The following LMBRD2 variants were observed in gnomAD, a reference collection of about 807,000 sequenced individuals.
LMBRD2 encodes LMBR1 domain containing 2.
In LMBRD2, 55 loss-of-function variants were observed where a neutral mutation model predicts 94.4. The ratio of observed to expected loss-of-function variants is 0.58; its 90% confidence interval spans 0.47 to 0.73. The LOEUF is 0.73. Among genes scored for constraint, LMBRD2 ranks in the 30% least tolerant of loss-of-function variants. The probability of loss-of-function intolerance (pLI) is 0.00; values close to 1 mark genes in which losing one functional copy is unlikely to be tolerated. For missense variants in LMBRD2, 640 were observed against 831.9 expected (o/e 0.77, Z 2.84); for synonymous variants, 246 against 272.4 (o/e 0.90, Z 0.95).
intron 1 of LMBRD2, among the ~76,000 whole-genome samples, chr5:36,150,198 T>C (rs1236016775): frequency 2.0e-5 from 3 of 152,200 alleles, no homozygotes; most frequent in African/African-American, 7.2e-5. Context: ...ACTGACAGGC[T>C]CTCCCTGAAG....
rs1744294140 is a variant in LMBRD2, at chr5:36,137,281, A to G, written c.529T>C (p.Leu177=). ...IYVAVNPHLH[L]EWNQLQTIGI... is the part of the protein sequence containing the mutation. ...GAAGACTACTTTTCTTACCATTCTA[A>G]ATGTAAATGTGGGTTTACAGCTACA... Residue 177 remains leucine, a synonymous_variant, in exon 5 of 18, where the codon TTA becomes CTA. Transcript: ENST00000296603. 6.3e-7 allele frequency: 1 copy of G among 1,576,834 alleles called. No individual in the cohort carries two copies. The highest frequency in any genetic ancestry group is 2.2e-5 in the East Asian group (1 of 44,450).
At chr5:36,110,203 C>T (rs565090238) in intron 14 of LMBRD2, among the ~76,000 whole-genome samples, 22 of 152,050 alleles carry the variant, frequency 1.4e-4, no homozygotes, top group East Asian at 5.8e-4. Flanking sequence ...CTGTAGTCTC[C>T]GCTTAAATAA....
At chr5:36,115,163 G>A (rs746496665) in intron 11 of LMBRD2, 43 bp from the exon 12 acceptor site, 1 of 1,199,554 alleles carries the variant, frequency 8.3e-7, no homozygotes, top group African/African-American at 1.5e-5. Flanking sequence ...AAGTAAAGCA[G>A]CAAAATACAT....
At chr5:36,120,086 G>T (rs1743853369) in intron 9 of LMBRD2, among the ~76,000 whole-genome samples, 1 of 142,728 alleles carries the variant, frequency 7.0e-6, no homozygotes, top group Non-Finnish European at 1.5e-5. Flanking sequence ...TTTTGACGGA[G>T]TCTCATTCTG....
At chr5:36,106,508 C>CTTTTTTTTTTTTTTTTTTTTTTTTT (rs201602814) in intron 16 of LMBRD2, among the ~76,000 whole-genome samples, 2 of 132,868 alleles carry the variant, frequency 1.5e-5, no homozygotes. Context: ...TTTTTTCTTT[C>CTTTTTTTTTTTTTTTTTTTTTTTTT]GTTTTTTTTT....
At chr5:36,132,237 A>G (rs1374730150) in intron 6 of LMBRD2, among the ~76,000 whole-genome samples, 2 of 152,040 alleles carry the variant, frequency 1.3e-5, no homozygotes, top group African/African-American at 4.8e-5. Context: ...TGGTGCCAGG[A>G]AAACTGGAAA....
chr5:36,143,388 G>A lies in LMBRD2; in HGVS notation c.-39C>T. 6.6e-7 allele frequency: 1 copy of A among 1,518,910 alleles called. No homozygotes were observed. The highest frequency in any genetic ancestry group is 9.1e-7 in the Non-Finnish European group (1 of 1,099,454). The allele number at this position is 1,518,910 out of a possible 1,614,324, so 94.1% of individuals were successfully genotyped here. ...ACTCTGACTAACCAAAGTTATTCAT[G>A]TACAGGTCTGGACCATATCTATAAA... On this transcript the variant is annotated 5_prime_UTR_variant, in exon 2 of 18. Coordinates refer to ENST00000296603, the MANE Select transcript of LMBRD2 (RefSeq NM_001007527.2).
At chr5:36,142,967 C>T (rs1043146246) in intron 2 of LMBRD2, among the ~76,000 whole-genome samples, 1 of 151,984 alleles carries the variant, frequency 6.6e-6, no homozygotes, top group Admixed American at 6.6e-5. Flanking sequence ...CCTTGTGATC[C>T]GCCAGTCTGG....
rs183303343 is a variant in LMBRD2, at chr5:36,135,317, T to C, written c.747+992A>G. On this transcript the variant is annotated intron_variant, in intron 6 of 17. Coordinates refer to ENST00000296603, the MANE Select transcript of LMBRD2 (RefSeq NM_001007527.2). ...TCATGAGAATTAAATATATGTATAGTGCTTAGAAAGTCCCTCTTAGGCAAA... is the reference window on the plus strand; with the variant it reads ...TCATGAGAATTAAATATATGTATAGCGCTTAGAAAGTCCCTCTTAGGCAAA... Among the ~76,000 whole-genome samples, 6 of 152,308 alleles carry C rather than the reference T, an allele frequency of 3.9e-5. No homozygotes were observed. The East Asian group carries it at 1.2e-3, about 29-fold the overall frequency.
In LMBRD2 at chr5:36,101,940, ATTTCT is replaced by A. The variant is rs1435357642; in HGVS notation, c.*2101_*2105del. On this transcript the variant is annotated 3_prime_UTR_variant, in exon 18 of 18. Coordinates refer to ENST00000296603, the MANE Select transcript of LMBRD2 (RefSeq NM_001007527.2). ...AGTTAGTTATAAAAGTAATTGGCTAATTTCTTTTCCTTTTCTGCTTCTGTTTCAAC... is the reference window on the plus strand; with the variant it reads ...AGTTAGTTATAAAAGTAATTGGCTAATTTCCTTTTCTGCTTCTGTTTCAAC... The A allele has an allele frequency of 6.6e-6, 1 of 151,876 alleles. No individual in the cohort carries two copies. The highest frequency in any genetic ancestry group is 1.9e-4 in the East Asian group (1 of 5,190). 9.4% of individuals were successfully genotyped at this position (151,876 alleles called of 1,614,324 possible). A position where few individuals can be genotyped will look rare whatever the true frequency, so the allele number is the denominator to read the frequency against.
At chr5:36,108,811 T>C (rs1302771639) in intron 15 of LMBRD2, among the ~76,000 whole-genome samples, 172 bp from the exon 16 acceptor site, 3 of 152,170 alleles carry the variant, frequency 2.0e-5, no homozygotes, top group Admixed American at 6.6e-5. Context: ...ACATGATTTA[T>C]TGAAGTCACA....
intron 14 of LMBRD2, among the ~76,000 whole-genome samples, chr5:36,110,549 G>C (rs943333009): frequency 6.6e-6 from 1 of 151,966 alleles, no homozygotes; most frequent in Non-Finnish European, 1.5e-5. Flanking sequence ...TTTTGGAGCT[G>C]CAATACATTT....
chr5:36,131,690 G>A (rs1048187814), intron 6 of LMBRD2, among the ~76,000 whole-genome samples: 3 of 151,948 alleles, frequency 2.0e-5, no homozygotes, highest in East Asian at 1.9e-4. Context: ...TATGTCAACC[G>A]TGAACAATTT....
chr5:36,123,200 G>C (rs896611384), intron 7 of LMBRD2, among the ~76,000 whole-genome samples: 1 of 152,006 alleles, frequency 6.6e-6, no homozygotes, highest in Admixed American at 6.6e-5. Context: ...ATACCAGATA[G>C]GTATAGATGG....
At chr5:36,110,663 T>TTAG (rs2111848535) in intron 14 of LMBRD2, among the ~76,000 whole-genome samples, 1 of 152,150 alleles carries the variant, frequency 6.6e-6, no homozygotes, top group Admixed American at 6.6e-5. Flanking sequence ...CTCCATGCTA[T>TTAG]CATCACTTTG....
At chr5:36,147,524 G>A (rs1054963617) in intron 1 of LMBRD2, among the ~76,000 whole-genome samples, 3 of 152,104 alleles carry the variant, frequency 2.0e-5, no homozygotes, top group African/African-American at 4.8e-5. Flanking sequence ...TGGGCATATC[G>A]TACCCTTCAA....
In LMBRD2 at chr5:36,118,813, T is replaced by A. The variant is rs2455316; in HGVS notation, c.1121-897A>T. Among the ~76,000 whole-genome samples, 4 of 151,470 alleles carry A rather than the reference T, an allele frequency of 2.6e-5. No homozygotes were observed. In the East Asian group the frequency reaches 5.8e-4, roughly 22 times the overall value. ...TTACAGGCGTGTGCCACCACTCCCATCTAATTTTCTGTATTTTTATTAGAC... is the reference window on the plus strand; with the variant it reads ...TTACAGGCGTGTGCCACCACTCCCAACTAATTTTCTGTATTTTTATTAGAC... On this transcript the variant is annotated intron_variant, in intron 9 of 17. Transcript: ENST00000296603.
intron 17 of LMBRD2, among the ~76,000 whole-genome samples, chr5:36,104,767 A>T (rs146865754): frequency 4.6e-4 from 70 of 152,142 alleles, no homozygotes; most frequent in African/African-American, 1.6e-3. Context: ...AGGCATATAA[A>T]TATTGTTGTG....
In LMBRD2 at chr5:36,100,949, A is replaced by AT. The variant is rs1483934158; in HGVS notation, c.*3096dup. 6.6e-6 allele frequency: 1 copy of AT among 152,100 alleles called. No individual in the cohort carries two copies. The highest frequency in any genetic ancestry group is 2.4e-5 in the African/African-American group (1 of 41,452). The allele number at this position is 152,100 out of a possible 1,614,324, so 9.4% of individuals were successfully genotyped here. A position where few individuals can be genotyped will look rare whatever the true frequency, so the allele number is the denominator to read the frequency against. On this transcript the variant is annotated 3_prime_UTR_variant, in exon 18 of 18. Transcript: ENST00000296603. The stretch of plus-strand genomic sequence containing the variant: ...TTTCCTATGCTAATTTAATTTGGGC[A>AT]TACATGCAGCTTAAATTTCAGAACT...
Sources: allele counts gnomAD v4.1 joint callset (sites outside exome capture counted in the v4.1 genomes callset), GRCh38; gene constraint gnomAD v4.1.1; transcripts MANE v1.5; gene names NCBI Gene and HGNC (gene_info 2026-07-23, HGNC 2026-07-21).